SNX29: variants seen among roughly 807,000 people sequenced by gnomAD.
SNX29 encodes sorting nexin-29.
A neutral mutation model predicts 102.1 loss-of-function variants in SNX29; 78 were observed. The ratio of observed to expected loss-of-function variants is 0.76; its 90% CI spans 0.64 to 0.92. SNX29 has a LOEUF of 0.92. Ranked by LOEUF, SNX29 falls within the 40% of genes least tolerant of loss-of-function variation. The probability of loss-of-function intolerance (pLI) is 0.00; values close to 1 mark genes in which losing one functional copy is unlikely to be tolerated. For synonymous variants in SNX29, 580 were observed against 414.5 expected (o/e 1.40, Z -4.85); for missense variants, 1,280 against 1,061.7 (o/e 1.21, Z -2.86).
intron 14 of SNX29, among the ~76,000 whole-genome samples, chr16:12,259,018 C>G (rs1267540831): frequency 6.6e-6 from 1 of 152,140 alleles, no homozygotes; most frequent in Admixed American, 6.5e-5. Context: ...GGATTCAGCC[C>G]TCTGGCAGGA....
intron 16 of SNX29, among the ~76,000 whole-genome samples, chr16:12,390,915 C>T (rs11641304): frequency 0.53 from 79,736 of 151,078 alleles, 22,017 homozygotes; most frequent in East Asian, 0.64. Context: ...AAAACACTTA[C>T]TTAGAATGAG....
intron 19 of SNX29, among the ~76,000 whole-genome samples, chr16:12,492,511 C>A (rs1231089489): frequency 6.6e-6 from 1 of 152,120 alleles, no homozygotes; most frequent in Admixed American, 6.5e-5. Context: ...GTTTCTTTTG[C>A]TGTGCAGAAG....
chr16:11,981,782 C>T (rs1209440950), intron 1 of SNX29, among the ~76,000 whole-genome samples: 1 of 151,982 alleles, frequency 6.6e-6, no homozygotes, highest in Non-Finnish European at 1.5e-5. Context: ...CTAAGATGAC[C>T]ATTAATTGGG....
rs538702306 is a variant in SNX29, at chr16:12,384,229, A to T, written c.1900-14217A>T. Among the ~76,000 whole-genome samples, 19 of 152,314 alleles carry T rather than the reference A, an allele frequency of 1.2e-4. No homozygotes were observed. In the East Asian group the frequency reaches 1.7e-3, roughly 14 times the overall value. On this transcript the variant is annotated intron_variant, in intron 16 of 20. Transcript: ENST00000566228. ...TATACTGATTTTCTTTCTTTCGGGT[A>T]TATACCCAGCAGTGGGATTGCTGGA...
intron 10 of SNX29, 62 bp from the exon 11 acceptor site, chr16:12,078,771 A>G: frequency 1.4e-6 from 2 of 1,423,212 alleles, no homozygotes; most frequent in Non-Finnish European, 9.7e-7. Context: ...TAGTTTTTGG[A>G]ATGGTGAGGG....
chr16:12,448,487 G>A (rs1369036872), intron 18 of SNX29, among the ~76,000 whole-genome samples: 1 of 148,968 alleles, frequency 6.7e-6, no homozygotes, highest in African/African-American at 2.5e-5. Context: ...TTTTTTTTAG[G>A]CCACCAAGTC....
At chr16:12,037,132 C>G (rs1317591441) in intron 4 of SNX29, among the ~76,000 whole-genome samples, 2 of 152,142 alleles carry the variant, frequency 1.3e-5, no homozygotes, top group Non-Finnish European at 2.9e-5. Flanking sequence ...CACACTCCCT[C>G]CTTACGGGTC....
rs1169358977 is a variant in SNX29, at chr16:12,096,724, A to G, written c.1402+17809A>G. ...ACCGCCACTCGATCCACCCATGGGA[A>G]CGAGTTCCCCGTGAAGTGGGAAATT... is the stretch of plus-strand genomic sequence containing the variant. On this transcript the variant is annotated intron_variant, in intron 11 of 20. Coordinates refer to ENST00000566228, the MANE Select transcript of SNX29 (RefSeq NM_032167.5). The surrounding 1 kb of genome is among the most constrained non-coding windows in gnomAD (Gnocchi z 4.2). Among the ~76,000 whole-genome samples the G allele has an allele frequency of 6.6e-6, 1 of 152,234 alleles. No individual in the cohort carries two copies. Among genetic ancestry groups the G allele is most frequent in the Non-Finnish European group, 1.5e-5 (1 of 68,044 alleles).
intron 20 of SNX29, among the ~76,000 whole-genome samples, chr16:12,540,559 T>C (rs1354985045): frequency 1.3e-5 from 2 of 152,226 alleles, no homozygotes; most frequent in Non-Finnish European, 2.9e-5. Flanking sequence ...CCCTATGCCA[T>C]GGCCCCTTCT....
chr16:12,505,046 G>C (rs1336457356), intron 19 of SNX29, among the ~76,000 whole-genome samples: 2 of 152,126 alleles, frequency 1.3e-5, no homozygotes, highest in Admixed American at 6.5e-5. Context: ...AAGACGGGAC[G>C]ATCACTTGAG....
At chr16:12,532,606 T>G (rs2076961696) in intron 20 of SNX29, among the ~76,000 whole-genome samples, 1 of 151,782 alleles carries the variant, frequency 6.6e-6, no homozygotes, top group African/African-American at 2.4e-5. Context: ...GTCTGAGGTA[T>G]TTGGAAACAC....
rs73515664 is a variant in SNX29, at chr16:12,050,248, T to C, written c.749-1599T>C. 8.0e-3 allele frequency among the ~76,000 whole-genome samples: 1,224 copies of C among 152,278 alleles called. 14 individuals are homozygous for C. The highest frequency in any genetic ancestry group is 0.028 in the African/African-American group (1,154 of 41,540). ...AGTGAGGCCTCACCGCATCACACAT[T>C]GGTTTAGACAGATTGGATTTTTGGA... is the stretch of plus-strand genomic sequence containing the variant. On this transcript the variant is annotated intron_variant, in intron 7 of 20. Coordinates refer to ENST00000566228, the MANE Select transcript of SNX29 (RefSeq NM_032167.5).
intron 16 of SNX29, among the ~76,000 whole-genome samples, chr16:12,374,188 T>C (rs1307164848): frequency 6.6e-6 from 1 of 152,214 alleles, no homozygotes; most frequent in East Asian, 1.9e-4. Flanking sequence ...TATTTATTCA[T>C]TGGATGCTAA....
intron 13 of SNX29, among the ~76,000 whole-genome samples, chr16:12,134,195 G>A (rs1360411046): frequency 6.6e-6 from 1 of 152,244 alleles, no homozygotes; most frequent in Non-Finnish European, 1.5e-5. Context: ...AAGGAAGCAA[G>A]TAAATGGGTT....
chr16:12,188,216 T>G (rs2076559507), intron 13 of SNX29, among the ~76,000 whole-genome samples: 1 of 152,206 alleles, frequency 6.6e-6, no homozygotes, highest in Admixed American at 6.5e-5. Context: ...CCAGACACTT[T>G]ATTTATACAC....
intron 1 of SNX29, among the ~76,000 whole-genome samples, chr16:11,999,058 C>G (rs1331985576): frequency 6.6e-6 from 1 of 152,120 alleles, no homozygotes; most frequent in Admixed American, 6.5e-5. Flanking sequence ...GTCAGTAGTG[C>G]CAAGGGTTGA....
chr16:12,334,087 C>T (rs780549365), intron 15 of SNX29, among the ~76,000 whole-genome samples: 4 of 152,042 alleles, frequency 2.6e-5, no homozygotes, highest in African/African-American at 7.2e-5. Context: ...TTCAGCTAGA[C>T]GTAGGGAAAC....
At chr16:12,318,702 A>ATT (rs202203861) in intron 15 of SNX29, among the ~76,000 whole-genome samples, 61 of 148,626 alleles carry the variant, frequency 4.1e-4, no homozygotes, top group African/African-American at 1.3e-3. Flanking sequence ...GAAGAGAAGA[A>ATT]TTTTTTTTTT....
rs184338971 is a variant in SNX29 at position 12,008,153 on chromosome 16, C to T, written c.122+5110C>T. ...TAGAGATGGGGTTTCACCGTGTTAGCCAGGATAGTTTTGATCTCCTGACCT... is the reference window on the plus strand; with the variant it reads ...TAGAGATGGGGTTTCACCGTGTTAGTCAGGATAGTTTTGATCTCCTGACCT... On this transcript the variant is annotated intron_variant, in intron 3 of 20. Coordinates refer to ENST00000566228, the MANE Select transcript of SNX29 (RefSeq NM_032167.5). Among the ~76,000 whole-genome samples the T allele has an allele frequency of 4.8e-3, 733 of 152,276 alleles. 1 individual carries two copies. The highest frequency in any genetic ancestry group is 0.01 in the Middle Eastern group (3 of 294).
Sources: allele counts gnomAD v4.1 joint callset (sites outside exome capture counted in the v4.1 genomes callset), GRCh38; gene constraint gnomAD v4.1.1; non-coding constraint Gnocchi (gnomAD v3.1); transcripts MANE v1.5; gene names NCBI Gene and HGNC (gene_info 2026-07-23, HGNC 2026-07-21).